CRYBG3: variants seen among roughly 807,000 people sequenced by gnomAD.
CRYBG3 encodes the protein crystallin beta-gamma domain containing 3, also known as very large A-kinase anchor protein.
CRYBG3 carries 127 observed loss-of-function variants against 244.2 expected under a neutral mutation model. That is an observed-to-expected ratio of 0.52 (90% CI 0.45 to 0.60). The LOEUF (loss-of-function observed/expected upper bound fraction) is 0.60, where lower values mean the gene tolerates loss of function less well. Among genes scored for constraint, CRYBG3 ranks in the 20% least tolerant of loss-of-function variants. The probability of loss-of-function intolerance (pLI) is 0.00; values close to 1 mark genes in which losing one functional copy is unlikely to be tolerated. For missense variants in CRYBG3, 3,325 were observed against 3,442.5 expected (o/e 0.97, Z 0.85); for synonymous variants, 1,132 against 1,195.8 (o/e 0.95, Z 1.10).
At chr3:97,841,775 A>C (rs900559957) in intron 1 of CRYBG3, among the ~76,000 whole-genome samples, 1 of 152,054 alleles carries the variant, frequency 6.6e-6, no homozygotes, top group African/African-American at 2.4e-5. Context: ...ACAAAGGTCA[A>C]ATTTCATAAC....
chr3:97,868,753 A>G (rs1029866326), intron 3 of CRYBG3, among the ~76,000 whole-genome samples: 2 of 152,160 alleles, frequency 1.3e-5, no homozygotes, highest in Non-Finnish European at 2.9e-5. Flanking sequence ...TCTGTGGTCT[A>G]TTAGAAGTCC....
intron 21 of CRYBG3, chr3:97,942,994 T>G (rs541515914): frequency 1.1e-4 from 51 of 463,916 alleles, no homozygotes; most frequent in South Asian, 9.8e-4. Context: ...GGCACGCCAC[T>G]TATACAATCA....
chr3:97,844,588 C>T lies in CRYBG3; in HGVS notation c.216+1327C>T, dbSNP rs764192170. On this transcript the variant is annotated intron_variant, in intron 2 of 21. Coordinates refer to ENST00000389622, the MANE Select transcript of CRYBG3 (RefSeq NM_153605.4). ...CCTTGCTCCCTTTTCTTCTCTTAGTCTCTGCTTCTTTCCCCATTTAGCCTA... is the reference window on the plus strand; with the variant it reads ...CCTTGCTCCCTTTTCTTCTCTTAGTTTCTGCTTCTTTCCCCATTTAGCCTA... 7.2e-5 allele frequency among the ~76,000 whole-genome samples: 11 copies of T among 152,156 alleles called. No homozygotes were observed. The South Asian group carries it at 1.0e-3, about 14-fold the overall frequency.
In CRYBG3 at chr3:97,924,052, T is replaced by C. The variant is rs566670446; in HGVS notation, c.8241+8316T>C. 2.6e-5 allele frequency among the ~76,000 whole-genome samples: 4 copies of C among 152,148 alleles called. No homozygotes were observed. The South Asian group carries it at 6.2e-4, about 24-fold the overall frequency. On this transcript the variant is annotated intron_variant, in intron 17 of 21. Coordinates refer to ENST00000389622, the MANE Select transcript of CRYBG3 (RefSeq NM_153605.4). ...ACTTATCCTACCAAGTATATATTGC[T>C]TTATACAGCAGTAATAATTAGTGGG...
At position 97,872,024 on chromosome 3, in the gene CRYBG3, C is replaced by G; in HGVS notation, c.830C>G (p.Ala277Gly). The G allele has an allele frequency of 6.5e-7, 1 of 1,535,732 alleles. No homozygotes were observed. Residue 277 changes from alanine to glycine, a missense_variant, in exon 4 of 22, where the codon GCT becomes GGT. By Grantham distance (60) the Ala-to-Gly change is moderately conservative (BLOSUM62 0). Around this residue, in one of 4 missense-constraint regions of CRYBG3, gnomAD observed 1,526 missense variants for 1,443.2 expected, o/e 1.06. Transcript: ENST00000389622. The stretch of plus-strand genomic sequence containing the variant: ...ATTGACCCTGGAAGTGAGATTGAGG[C>G]TGGGGTACTGCCACTGTTGTTATCA... ...RHIDPGSEIE[A>G]GVLPLLLSAS... is the part of the protein sequence containing the mutation.
intron 2 of CRYBG3, among the ~76,000 whole-genome samples, chr3:97,857,132 G>T (rs1247749265): frequency 6.6e-6 from 1 of 151,466 alleles, no homozygotes; most frequent in African/African-American, 2.4e-5. Context: ...TTTTTTCATC[G>T]GTCATTCAGG....
intron 19 of CRYBG3, among the ~76,000 whole-genome samples, chr3:97,939,929 T>G (rs1007275303): frequency 6.6e-6 from 1 of 152,024 alleles, no homozygotes; most frequent in African/African-American, 2.4e-5. Flanking sequence ...CAAAATTCAG[T>G]TAGCTTCACG....
chr3:97,874,903 G>A lies in CRYBG3; in HGVS notation c.3709G>A (p.Gly1237Ser). 5.9e-6 allele frequency: 9 copies of A among 1,535,232 alleles called. No individual in the cohort carries two copies. The highest frequency in any genetic ancestry group is 7.8e-6 in the Non-Finnish European group (9 of 1,146,634). Residue 1237 changes from glycine to serine, a missense_variant, in exon 4 of 22, where the codon GGT (glycine) becomes AGT (serine). Transcript: ENST00000389622. The stretch of plus-strand genomic sequence containing the variant: ...AGCCATAGAAGGTATAATGAATCTG[G>A]GTACCCTGAAAGAAGACATCTCTGA... ...HIAIEGIMNLGTLKEDISEKN... is the reference protein window; with the variant it reads ...HIAIEGIMNLSTLKEDISEKN...
At chr3:97,928,473 G>A (rs1244168703) in intron 17 of CRYBG3, among the ~76,000 whole-genome samples, 4 of 151,904 alleles carry the variant, frequency 2.6e-5, no homozygotes, top group East Asian at 3.9e-4. Flanking sequence ...ATTACCTGGC[G>A]ATGAAATAAT....
At chr3:97,939,725 CA>C (rs1208295128) in intron 19 of CRYBG3, among the ~76,000 whole-genome samples, 1 of 151,998 alleles carries the variant, frequency 6.6e-6, no homozygotes, top group Non-Finnish European at 1.5e-5. Flanking sequence ...TTAATAATTG[CA>C]GTAGATCCGG....
At chr3:97,885,108 G>C (rs936366170) in intron 7 of CRYBG3, among the ~76,000 whole-genome samples, 5 of 152,122 alleles carry the variant, frequency 3.3e-5, no homozygotes, top group African/African-American at 1.2e-4. Flanking sequence ...ACAGGTGACT[G>C]TTCTAAACAT....
chr3:97,892,055 G>T (rs561802371), intron 10 of CRYBG3, among the ~76,000 whole-genome samples: 5 of 152,208 alleles, frequency 3.3e-5, no homozygotes, highest in African/African-American at 9.6e-5. Flanking sequence ...CTTTGATTGC[G>T]CTGTGTTTTC....
intron 7 of CRYBG3, among the ~76,000 whole-genome samples, chr3:97,883,481 AC>A (rs201654103): frequency 1.5e-4 from 22 of 151,460 alleles, no homozygotes; most frequent in African/African-American, 4.8e-4. Context: ...CACCTCTCTC[AC>A]CCCCCCCACC....
intron 3 of CRYBG3, among the ~76,000 whole-genome samples, chr3:97,864,938 T>C (rs1425902856): frequency 6.6e-6 from 1 of 152,114 alleles, no homozygotes; most frequent in Non-Finnish European, 1.5e-5. Flanking sequence ...GGACAGGCAA[T>C]GTATTCAATA....
At chr3:97,862,670 T>C (rs936920941) in intron 2 of CRYBG3, among the ~76,000 whole-genome samples, 2 of 152,168 alleles carry the variant, frequency 1.3e-5, no homozygotes, top group South Asian at 2.1e-4. Flanking sequence ...AGGTGACTTA[T>C]AGTGCCAGCT....
intron 3 of CRYBG3, among the ~76,000 whole-genome samples, chr3:97,865,328 C>T (rs972146243): frequency 2.6e-5 from 4 of 151,938 alleles, no homozygotes; most frequent in Admixed American, 1.3e-4. Flanking sequence ...TTACTTTTAC[C>T]TCTGCTGGAG....
rs547903842 is a variant in CRYBG3, at chr3:97,899,824, G to A, written c.7971+561G>A. On this transcript the variant is annotated intron_variant, in intron 14 of 21. Coordinates refer to ENST00000389622, the MANE Select transcript of CRYBG3 (RefSeq NM_153605.4). Reference sequence around the variant, plus strand: ...CAAATTCATGAAGTTGTAGAAGAGTGTGGCCAGTTTGGATAATAAACCCTG... The same window carrying A: ...CAAATTCATGAAGTTGTAGAAGAGTATGGCCAGTTTGGATAATAAACCCTG... Among the ~76,000 whole-genome samples the A allele has an allele frequency of 9.8e-5, 15 of 152,350 alleles. No homozygotes were observed. The South Asian group carries it at 2.1e-3, about 21-fold the overall frequency.
At chr3:97,827,788 G>A (rs2038597814) in intron 1 of CRYBG3, among the ~76,000 whole-genome samples, 2 of 150,362 alleles carry the variant, frequency 1.3e-5, no homozygotes, top group African/African-American at 4.9e-5. Flanking sequence ...GTAATCAAAA[G>A]TCTCACAATA....
chr3:97,840,245 A>G (rs758663798), intron 1 of CRYBG3, among the ~76,000 whole-genome samples: 1 of 152,100 alleles, frequency 6.6e-6, no homozygotes, highest in Admixed American at 6.6e-5. Flanking sequence ...TTAGGGCATG[A>G]ATAATGTTAT....
Sources: gnomAD v4.1 joint callset for allele counts (sites outside exome capture counted in the v4.1 genomes callset) on GRCh38, gnomAD v4.1.1 for gene constraint, gnomAD v4.1.1 regional missense constraint, MANE v1.5 for transcripts, NCBI Gene and HGNC (gene_info 2026-07-23, HGNC 2026-07-21) for gene names.